BRIP1: variants seen among roughly 807,000 people sequenced by gnomAD.
The protein encoded by BRIP1 is Fanconi anemia group J protein.
A neutral mutation model predicts 119.7 loss-of-function variants in BRIP1; 88 were observed. The ratio of observed to expected loss-of-function variants is 0.74; its 90% CI spans 0.62 to 0.88. The LOEUF (loss-of-function observed/expected upper bound fraction) is 0.88. Among genes scored for constraint, BRIP1 ranks in the 40% least tolerant of loss-of-function variants. BRIP1 has a pLI of 0.00. For missense variants in BRIP1, 1,259 were observed against 1,455.4 expected, an observed-to-expected ratio of 0.87 and a Z score of 2.20; for synonymous variants, 443 against 496.5, an observed-to-expected ratio of 0.89 and a Z score of 1.43.
rs1270338771 is a variant in BRIP1, at chr17:61,775,723, T to G, written c.2097+678A>C. Among the ~76,000 whole-genome samples, 1 of 152,118 alleles carries G rather than the reference T, an allele frequency of 6.6e-6. No individual in the cohort carries two copies. The highest frequency in any genetic ancestry group is 6.5e-5 in the Admixed American group (1 of 15,272). On this transcript the variant is annotated intron_variant, in intron 14 of 19. Coordinates refer to ENST00000259008, the MANE Select transcript of BRIP1 (RefSeq NM_032043.3). The surrounding 1 kb of genome is among the most constrained non-coding windows in gnomAD (Gnocchi z 4.4). ...GGCAACGAAGAAAGTTTGGCTTAGA[T>G]TAACTTTAATGAAACCTTCAGAAAT...
chr17:61,809,927 C>T lies in BRIP1; in HGVS notation c.628-1170G>A, dbSNP rs1359964396. 6.6e-6 allele frequency among the ~76,000 whole-genome samples: 1 copy of T among 152,104 alleles called. No individual in the cohort carries two copies. Among genetic ancestry groups the T allele is most frequent in the African/African-American group, 2.4e-5 (1 of 41,418 alleles). ...ATGAAGCTGTCTTTTAGCCTCAACT[C>T]AGTGGAAAAGCAAGTTCAAATTACT... On this transcript the variant is annotated intron_variant, in intron 6 of 19. Coordinates refer to ENST00000259008, the MANE Select transcript of BRIP1 (RefSeq NM_032043.3). This position sits in a 1 kb window ranked among gnomAD's most constrained non-coding sequence, Gnocchi z 5.2.
At chr17:61,833,380 A>C (rs148230160) in intron 6 of BRIP1, among the ~76,000 whole-genome samples, 374 of 152,266 alleles carry the variant, frequency 2.5e-3, no homozygotes, top group African/African-American at 8.5e-3. Flanking sequence ...AAAAAATTAT[A>C]ATTACTGGGC....
At chr17:61,737,489 C>T (rs1439671080) in intron 16 of BRIP1, among the ~76,000 whole-genome samples, 1 of 151,986 alleles carries the variant, frequency 6.6e-6, no homozygotes, top group Non-Finnish European at 1.5e-5. Context: ...CAGTATTTTC[C>T]TAAATATGAC....
chr17:61,750,708 T>TA (rs71150637), intron 14 of BRIP1, among the ~76,000 whole-genome samples: 30 of 146,352 alleles, frequency 2.0e-4, no homozygotes, highest in East Asian at 2.0e-3. Context: ...CTTGAATGAT[T>TA]AAAAAAAAAA....
intron 14 of BRIP1, among the ~76,000 whole-genome samples, chr17:61,747,485 T>G (rs773373330): frequency 3.3e-5 from 5 of 150,382 alleles, no homozygotes; most frequent in Admixed American, 6.6e-5. Flanking sequence ...AATAAAAGAC[T>G]ACTCTGAAAA....
intron 17 of BRIP1, among the ~76,000 whole-genome samples, chr17:61,694,772 C>T (rs907162409): frequency 2.0e-5 from 3 of 151,882 alleles, no homozygotes; most frequent in Non-Finnish European, 2.9e-5. Context: ...TCCCTAACAA[C>T]CAATGATGTT....
In BRIP1 at chr17:61,844,347, G is replaced by A. The variant is rs893802056; in HGVS notation, c.627+2754C>T. 1.3e-5 allele frequency among the ~76,000 whole-genome samples: 2 copies of A among 152,136 alleles called. No individual in the cohort carries two copies. Among genetic ancestry groups the A allele is most frequent in the Non-Finnish European group, 2.9e-5 (2 of 68,020 alleles). On this transcript the variant is annotated intron_variant, in intron 6 of 19. Transcript: ENST00000259008. The surrounding 1 kb of genome is among the most constrained non-coding windows in gnomAD (Gnocchi z 4.7). ...TGCCTATAATCCCAAAACTCTGGGA[G>A]GCCCAGGCAAGAGGATCACTGGAGG... is the stretch of plus-strand genomic sequence containing the variant.
rs1474676093 is a variant in BRIP1 at position 61,759,552 on chromosome 17, A to T, written c.2098-14961T>A. On this transcript the variant is annotated intron_variant, in intron 14 of 19. Transcript: ENST00000259008. This position sits in a 1 kb window ranked among gnomAD's most constrained non-coding sequence, Gnocchi z 4.9. The stretch of plus-strand genomic sequence containing the variant: ...AATATATTTAAAAACATTGGACTTG[A>T]ATAAATTTAGACCAAATGGACCTAA... Among the ~76,000 whole-genome samples, 1 of 152,116 alleles carries T rather than the reference A, an allele frequency of 6.6e-6. No individual in the cohort carries two copies. The highest frequency in any genetic ancestry group is 1.5e-5 in the Non-Finnish European group (1 of 67,998).
At chr17:61,718,843 T>C (rs1007979131) in intron 16 of BRIP1, among the ~76,000 whole-genome samples, 1 of 152,194 alleles carries the variant, frequency 6.6e-6, no homozygotes, top group African/African-American at 2.4e-5. Flanking sequence ...GCTCAAGTAC[T>C]TGATACAAAA....
In BRIP1 at chr17:61,807,973, T is replaced by C. The variant is rs1157652499; in HGVS notation, c.918+494A>G. Among the ~76,000 whole-genome samples, 1 of 152,134 alleles carries C rather than the reference T, an allele frequency of 6.6e-6. No homozygotes were observed. The highest frequency in any genetic ancestry group is 1.5e-5 in the Non-Finnish European group (1 of 68,006). On this transcript the variant is annotated intron_variant, in intron 7 of 19. Transcript: ENST00000259008. This position sits in a 1 kb window ranked among gnomAD's most constrained non-coding sequence, Gnocchi z 4.5. The stretch of plus-strand genomic sequence containing the variant: ...AAAGTTAATAATTTAGTATAACTTT[T>C]AAAAGAGGGGTTTGTATTTATCAGA...
Position 61,744,155 on chromosome 17 carries a change from C to T in BRIP1, c.2257+277G>A, listed in dbSNP as rs935312374. Among the ~76,000 whole-genome samples the T allele has an allele frequency of 3.9e-5, 6 of 152,138 alleles. No homozygotes were observed. Among genetic ancestry groups the T allele is most frequent in the African/African-American group, 7.2e-5 (3 of 41,432 alleles). On this transcript the variant is annotated intron_variant, in intron 15 of 19. Coordinates refer to ENST00000259008, the MANE Select transcript of BRIP1 (RefSeq NM_032043.3). The surrounding 1 kb of genome is among the most constrained non-coding windows in gnomAD (Gnocchi z 5.0). ...AGGAATATATTTATATATATCCTAA[C>T]TGCCTTTTTGCACAAACTATTTCAG...
Position 61,735,496 on chromosome 17 carries a change from G to A in BRIP1, c.2379+7517C>T, listed in dbSNP as rs1252995994. Among the ~76,000 whole-genome samples the A allele has an allele frequency of 6.6e-6, 1 of 152,048 alleles. No individual in the cohort carries two copies. The highest frequency in any genetic ancestry group is 1.5e-5 in the Non-Finnish European group (1 of 67,984). ...TGTGAATAGCTTCTTGAAGCCAAGAGTACACCTTAGGGCTAGGCACGGTGG... is the reference window on the plus strand; with the variant it reads ...TGTGAATAGCTTCTTGAAGCCAAGAATACACCTTAGGGCTAGGCACGGTGG... On this transcript the variant is annotated intron_variant, in intron 16 of 19. Coordinates refer to ENST00000259008, the MANE Select transcript of BRIP1 (RefSeq NM_032043.3). The surrounding 1 kb of genome is among the most constrained non-coding windows in gnomAD (Gnocchi z 4.4).
At chr17:61,727,833 ATT>A (rs1348299916) in intron 16 of BRIP1, among the ~76,000 whole-genome samples, 4 of 139,692 alleles carry the variant, frequency 2.9e-5, no homozygotes, top group East Asian at 2.1e-4. Flanking sequence ...CAAAGGTTTG[ATT>A]TTTTTTTTTT....
At chr17:61,688,288 G>A (rs930440871) in intron 18 of BRIP1, among the ~76,000 whole-genome samples, 1 of 152,034 alleles carries the variant, frequency 6.6e-6, no homozygotes, top group Non-Finnish European at 1.5e-5. Context: ...TGAGACCAGC[G>A]TGGACAACAT....
At chr17:61,721,878 T>C (rs1204675514) in intron 16 of BRIP1, among the ~76,000 whole-genome samples, 1 of 149,740 alleles carries the variant, frequency 6.7e-6, no homozygotes, top group Non-Finnish European at 1.5e-5. Flanking sequence ...TTTGTGTATA[T>C]ATATATTTTT....
chr17:61,850,913 T>C (rs1257452015), intron 4 of BRIP1, among the ~76,000 whole-genome samples: 1 of 151,366 alleles, frequency 6.6e-6, no homozygotes, highest in East Asian at 2.0e-4. Flanking sequence ...TTTTCTAAAG[T>C]GTAGGAATAT....
chr17:61,727,850 GAC>G (rs2076789508), intron 16 of BRIP1, among the ~76,000 whole-genome samples: 3 of 146,258 alleles, frequency 2.1e-5, no homozygotes, highest in African/African-American at 7.6e-5. Context: ...TTTTTTTTGA[GAC>G]ACAGTCTTGC....
At position 61,834,244 on chromosome 17, in the gene BRIP1, G is replaced by A. The variant is rs796373299; in HGVS notation, c.627+12857C>T. Among the ~76,000 whole-genome samples, 30 of 152,110 alleles carry A rather than the reference G, an allele frequency of 2.0e-4. No homozygotes were observed. The highest frequency in any genetic ancestry group is 7.2e-4 in the African/African-American group (30 of 41,492). The stretch of plus-strand genomic sequence containing the variant: ...TCCTAATTTTGTGTGTGGGGAGGGA[G>A]TATATATGTAATATATGTGTAATAT... On this transcript the variant is annotated intron_variant, in intron 6 of 19. Transcript: ENST00000259008. This position sits in a 1 kb window ranked among gnomAD's most constrained non-coding sequence, Gnocchi z 4.4.
At position 61,861,349 on chromosome 17, in the gene BRIP1, A is replaced by G; in HGVS notation, c.93+98T>C. 4.8e-6 allele frequency: 4 copies of G among 830,942 alleles called. No individual in the cohort carries two copies. The South Asian group carries it at 5.7e-5, about 12-fold the overall frequency. 51.5% of individuals were successfully genotyped at this position (830,942 alleles called of 1,614,324 possible). A position where few individuals can be genotyped will look rare whatever the true frequency, so the allele number is the denominator to read the frequency against. ...CAAGTGAACCCAGAAAATATTCTCC[A>G]TTTACTGAGAATATGAATGCAGTCA... On this transcript the variant is annotated intron_variant, in intron 2 of 19. Transcript: ENST00000259008. The surrounding 1 kb of genome is among the most constrained non-coding windows in gnomAD (Gnocchi z 4.5).
Sources: gnomAD v4.1 joint callset for allele counts (sites outside exome capture counted in the v4.1 genomes callset) on GRCh38, gnomAD v4.1.1 for gene constraint, Gnocchi (gnomAD v3.1) non-coding constraint, MANE v1.5 for transcripts, NCBI Gene and HGNC (gene_info 2026-07-23, HGNC 2026-07-21) for gene names.